VPS13A: variants seen among roughly 807,000 people sequenced by gnomAD.
The protein encoded by VPS13A is vacuolar protein sorting 13 homolog A.
In VPS13A, 264 loss-of-function variants were observed where a neutral mutation model predicts 390.9. The observed-to-expected ratio is 0.68, with a 90% CI of 0.61 to 0.75. The LOEUF is 0.75. Ranked by LOEUF, VPS13A falls within the 30% of genes least tolerant of loss-of-function variation. The pLI, the probability that VPS13A is intolerant of heterozygous loss-of-function variation, is 0.00. For synonymous variants in VPS13A, 1,231 were observed against 1,227.1 expected (o/e 1.00, Z -0.07); for missense variants, 3,409 against 3,733.9 (o/e 0.91, Z 2.27).
rs1198837639 is a variant in VPS13A at position 77,260,176 on chromosome 9, A to G, written c.2379A>G (p.Pro793=). ...TTATGGAATTGATTGAAAGCATTCC[A>G]AAACCTGAACCAGTAACTGAAGTAT... ...QGIMELIESI[P]KPEPVTEVSA... The change falls in exon 23 of 72, where the codon CCA becomes CCG. Residue 793 remains proline (P), a synonymous_variant. Transcript: ENST00000360280. 1 of 1,613,284 alleles carries G rather than the reference A, an allele frequency of 6.2e-7. No individual in the cohort carries two copies.
chr9:77,236,470 G>C (rs1288756746), intron 17 of VPS13A, among the ~76,000 whole-genome samples: 1 of 152,150 alleles, frequency 6.6e-6, no homozygotes, highest in Non-Finnish European at 1.5e-5. Flanking sequence ...CCTCTCCATG[G>C]TTAGTTGTTG....
intron 32 of VPS13A, 41 bp downstream of exon 32, chr9:77,293,549 G>A (rs1827798612): frequency 1.7e-6 from 2 of 1,185,962 alleles, no homozygotes; most frequent in Admixed American, 3.3e-5. Context: ...TATACTAATT[G>A]GAAATTGCTA....
intron 6 of VPS13A, 117 bp downstream of exon 6, chr9:77,209,649 A>C: frequency 1.5e-6 from 1 of 682,962 alleles, no homozygotes; most frequent in South Asian, 1.9e-5. Flanking sequence ...TACAGAGCTA[A>C]AGATGATGTG....
chr9:77,293,214 G>A (rs1475377699), intron 31 of VPS13A, 127 bp from the exon 32 acceptor site: 2 of 815,002 alleles, frequency 2.5e-6, no homozygotes, highest in Non-Finnish European at 3.9e-6. Flanking sequence ...TGCCTCATTT[G>A]TACTTGGCTT....
At position 77,295,701 on chromosome 9, in the gene VPS13A, T is replaced by C; in HGVS notation, c.3667T>C (p.Ser1223Pro). Residue 1223 changes from serine to proline, a missense_variant, in exon 33 of 72, where the codon TCT (serine) becomes CCT (proline). Transcript: ENST00000360280. ...AGCCCCAGTTGTGGTCATCCCGCAG[T>C]CTCCAGTTTCTGAAAATGTTTTTGT... ...IKAPVVVIPQ[S>P]PVSENVFVAD... 1.2e-6 allele frequency: 2 copies of C among 1,614,018 alleles called. No individual in the cohort carries two copies. Among genetic ancestry groups the C allele is most frequent in the Non-Finnish European group, 1.7e-6 (2 of 1,179,950 alleles).
intron 24 of VPS13A, among the ~76,000 whole-genome samples, chr9:77,274,525 A>C (rs1826535363): frequency 6.6e-6 from 1 of 151,928 alleles, no homozygotes; most frequent in Admixed American, 6.6e-5. Context: ...CAGATGTCTT[A>C]ATTTCTAATG....
chr9:77,276,445 T>C (rs1035038550), intron 26 of VPS13A, among the ~76,000 whole-genome samples: 1 of 152,200 alleles, frequency 6.6e-6, no homozygotes, highest in African/African-American at 2.4e-5. Context: ...CAGATGATAA[T>C]GGTTGAATTT....
In VPS13A at chr9:77,250,079, A is replaced by G. The variant is rs1825070030; in HGVS notation, c.2038-18A>G. The G allele has an allele frequency of 1.2e-6, 2 of 1,613,136 alleles. No homozygotes were observed. The highest frequency in any genetic ancestry group is 1.3e-5 in the African/African-American group (1 of 75,038). Reference sequence around the variant, plus strand: ...TGAAGTATTTTGCATAGTCTAAACTATTAAAATTAACTTGAAGGTGACGAG... The same window carrying G: ...TGAAGTATTTTGCATAGTCTAAACTGTTAAAATTAACTTGAAGGTGACGAG... On this transcript the variant is annotated intron_variant, in intron 20 of 71. Transcript: ENST00000360280.
chr9:77,188,660 A>T (rs997409299), intron 1 of VPS13A, among the ~76,000 whole-genome samples: 1 of 152,148 alleles, frequency 6.6e-6, no homozygotes, highest in African/African-American at 2.4e-5. Context: ...TTCTAATGGT[A>T]GTTCTTAATT....
At chr9:77,288,577 G>T (rs1827473757) in intron 31 of VPS13A, among the ~76,000 whole-genome samples, 1 of 151,994 alleles carries the variant, frequency 6.6e-6, no homozygotes, top group Non-Finnish European at 1.5e-5. Flanking sequence ...GAGATTTTCA[G>T]ATCCCTTTCT....
chr9:77,203,551 A>G (rs1825455243), intron 3 of VPS13A, among the ~76,000 whole-genome samples: 2 of 152,118 alleles, frequency 1.3e-5, no homozygotes, highest in African/African-American at 4.8e-5. Flanking sequence ...GCCACCCAAA[A>G]TGCTGGGGTT....
chr9:77,382,265 TTTC>T, intron 68 of VPS13A, 178 bp downstream of exon 68: 2 of 1,493,406 alleles, frequency 1.3e-6, no homozygotes, highest in Non-Finnish European at 1.8e-6. Context: ...AAGATTTTTT[TTTC>T]TTTTTTACAG....
At chr9:77,360,292 A>G (rs1032039144) in intron 58 of VPS13A, among the ~76,000 whole-genome samples, 1 of 152,090 alleles carries the variant, frequency 6.6e-6, no homozygotes, top group Non-Finnish European at 1.5e-5. Flanking sequence ...TCACTAATAT[A>G]TAATATTCTG....
chr9:77,369,869 T>A (rs191022465), intron 63 of VPS13A, among the ~76,000 whole-genome samples: 70 of 152,344 alleles, frequency 4.6e-4, no homozygotes, highest in Non-Finnish European at 3.5e-4. Flanking sequence ...TAACATTAAT[T>A]TTGCACATTG....
At chr9:77,383,701 G>A (rs1438506505) in intron 68 of VPS13A, among the ~76,000 whole-genome samples, 5 of 151,894 alleles carry the variant, frequency 3.3e-5, no homozygotes, top group Admixed American at 3.3e-4. Context: ...ACTTTGAGAT[G>A]TAAAAACATG....
chr9:77,274,296 T>G (rs1243737129), intron 24 of VPS13A, among the ~76,000 whole-genome samples: 1 of 152,034 alleles, frequency 6.6e-6, no homozygotes, highest in Non-Finnish European at 1.5e-5. Flanking sequence ...GGAGTGGTGC[T>G]GCACACCTGT....
chr9:77,420,957 C>G lies in VPS13A; in HGVS notation c.*4951C>G, dbSNP rs909674876. ...CAGTATCAATGATTTAATATCCACA[C>G]AAACTATTAGGAATGGTATCTGGAA... On this transcript the variant is annotated 3_prime_UTR_variant, in exon 72 of 72. Coordinates refer to ENST00000360280, the MANE Select transcript of VPS13A (RefSeq NM_033305.3). 3 of 152,122 alleles carry G rather than the reference C, an allele frequency of 2.0e-5. No homozygotes were observed. The highest frequency in any genetic ancestry group is 1.3e-4 in the Admixed American group (2 of 15,274). The allele number at this position is 152,122 out of a possible 1,614,324, so 9.4% of individuals were successfully genotyped here.
chr9:77,237,361 T>C (rs1180667121), intron 17 of VPS13A, among the ~76,000 whole-genome samples: 1 of 152,086 alleles, frequency 6.6e-6, no homozygotes, highest in Non-Finnish European at 1.5e-5. Context: ...TTTAAATGTT[T>C]ATTAAATTGT....
At chr9:77,270,730 T>G (rs934057809) in intron 23 of VPS13A, among the ~76,000 whole-genome samples, 4 of 152,128 alleles carry the variant, frequency 2.6e-5, no homozygotes, top group African/African-American at 9.7e-5. Flanking sequence ...GGTTAATATG[T>G]GTTTGATTTA....
Sources: gnomAD v4.1 joint callset for allele counts (sites outside exome capture counted in the v4.1 genomes callset) on GRCh38, gnomAD v4.1.1 for gene constraint, MANE v1.5 for transcripts, NCBI Gene and HGNC (gene_info 2026-07-23, HGNC 2026-07-21) for gene names.